SGSH: variants seen among roughly 807,000 people sequenced by gnomAD.
SGSH encodes N-sulfoglucosamine sulfohydrolase, also known as heparan sulfate sulfatase.
A neutral mutation model predicts 51.0 loss-of-function variants in SGSH; 48 were observed. That is an observed-to-expected ratio of 0.94 (90% CI 0.75 to 1.20). The LOEUF (loss-of-function observed/expected upper bound fraction) is 1.20, where lower values mean the gene tolerates loss of function less well. Ranked by LOEUF, SGSH falls within the 50% of genes most tolerant of loss-of-function variation. The probability of loss-of-function intolerance (pLI) is 0.00; values close to 1 mark genes in which losing one functional copy is unlikely to be tolerated. For synonymous variants in SGSH, 321 were observed against 313.4 expected, an observed-to-expected ratio of 1.02 and a Z score of -0.26; for missense variants, 662 against 717.8, an observed-to-expected ratio of 0.92 and a Z score of 0.89.
downstream of SGSH, chr17:80,205,833 G>A (rs1018846997): frequency 2.2e-5 from 12 of 539,300 alleles, no homozygotes; most frequent in Middle Eastern, 4.8e-4. Flanking sequence ...TAGGATCCAC[G>A]TGACTGTGGG....
At chr17:80,202,167 C>T, downstream of SGSH, 2 of 1,600,546 alleles carry the variant, frequency 1.2e-6, no homozygotes, top group Non-Finnish European at 1.7e-6. Context: ...TGGCTCATGT[C>T]CCCTTTTATC....
chr17:80,220,184 G>C (rs1428180268), intron 1 of SGSH, 42 bp downstream of exon 1: 16 of 1,448,784 alleles, frequency 1.1e-5, no homozygotes, highest in Non-Finnish European at 1.5e-5. Context: ...CACTTCCCCG[G>C]GCCACCGCAG....
chr17:80,202,717 C>A, downstream of SGSH: 3 of 806,480 alleles, frequency 3.7e-6, no homozygotes, highest in South Asian at 6.1e-5. Context: ...TGTGGTGGGG[C>A]CGTCCTGGGC....
downstream of SGSH, chr17:80,203,477 G>A (rs909447525): frequency 1.6e-5 from 4 of 247,876 alleles, no homozygotes; most frequent in African/African-American, 4.5e-5. The surrounding 1 kb of genome is among the most constrained non-coding windows in gnomAD (Gnocchi z 4.6). Flanking sequence ...CAGCTCTCTC[G>A]GTGACTCCAG....
At chr17:80,204,855 C>T (rs898998534), downstream of SGSH, 33 of 570,352 alleles carry the variant, frequency 5.8e-5, no homozygotes, top group Middle Eastern at 4.6e-4. Context: ...GCAAAGGAGC[C>T]GCTCAGCCAG....
chr17:80,203,751 T>C, downstream of SGSH: 1 of 1,242,104 alleles, frequency 8.1e-7, no homozygotes, highest in Non-Finnish European at 1.1e-6. This position sits in a 1 kb window ranked among gnomAD's most constrained non-coding sequence, Gnocchi z 4.6. Context: ...CACTCTCCCC[T>C]GCTCGGCTCT....
downstream of SGSH, chr17:80,207,157 G>A (rs921352194): frequency 1.8e-6 from 2 of 1,090,794 alleles, no homozygotes; most frequent in Non-Finnish European, 2.7e-6. Flanking sequence ...CACGGCAGGT[G>A]CCTCTGGAGT....
At chr17:80,202,088 T>C, downstream of SGSH, 5 of 1,261,676 alleles carry the variant, frequency 4.0e-6, no homozygotes, top group East Asian at 2.3e-5. Context: ...ACTGGGAGGG[T>C]CCTTCCTTCT....
chr17:80,201,899 A>C, downstream of SGSH: 1 of 1,587,868 alleles, frequency 6.3e-7, no homozygotes, highest in Non-Finnish European at 8.6e-7. The surrounding 1 kb of genome is among the most constrained non-coding windows in gnomAD (Gnocchi z 5.0). Flanking sequence ...TCGTGTGCAC[A>C]GCTGCCTGGC....
At chr17:80,205,264 CT>C, downstream of SGSH, 1 of 1,440,634 alleles carries the variant, frequency 6.9e-7, no homozygotes, top group Non-Finnish European at 9.5e-7. Context: ...CCCTCCTCCC[CT>C]TCCTCCCTCC....
intron 5 of SGSH, 124 bp downstream of exon 5, chr17:80,214,048 T>C (rs1488031566): frequency 1.1e-5 from 16 of 1,400,416 alleles, no homozygotes; most frequent in Non-Finnish European, 1.3e-5. Flanking sequence ...GTTGGGAACC[T>C]GAATCCGATT....
In SGSH at chr17:80,212,271, A is replaced by G. The variant is rs765180942; in HGVS notation, c.749T>C (p.Val250Ala). ...YTTVGRMDQG[V>A]GLVLQELRDA... ...ACGCAGCTCCTGGAGCACCAGTCCA[A>G]CTCCTGTGGTGAGGGGCCGAGAAGC... Residue 250 changes from valine (V) to alanine (A), a missense_variant, in exon 7 of 8, where the codon GTT becomes GCT. Transcript: ENST00000326317. This position sits in a 1 kb window ranked among gnomAD's most constrained non-coding sequence, Gnocchi z 5.9. 3.1e-6 allele frequency: 5 copies of G among 1,605,682 alleles called. No individual in the cohort carries two copies. In the African/African-American group the frequency reaches 6.7e-5, roughly 22 times the overall value.
In SGSH at chr17:80,213,848, G is replaced by A; in HGVS notation, c.701C>T (p.Ala234Val). The A allele has an allele frequency of 6.2e-7, 1 of 1,608,594 alleles. No homozygotes were observed. Residue 234 changes from alanine (A) to valine (V), a missense_variant, in exon 6 of 8, where the codon GCC (alanine) becomes GTC (valine). Coordinates refer to ENST00000326317, the MANE Select transcript of SGSH (RefSeq NM_000199.5). This position sits in a 1 kb window ranked among gnomAD's most constrained non-coding sequence, Gnocchi z 4.6. The stretch of plus-strand genomic sequence containing the variant: ...GGTGGTGTACTGAGCGGCCAGGTCG[G>A]CTCGGGCTGCCGGGGTGTTGGGGAC... The part of the protein sequence containing the change: ...YFVPNTPAAR[A>V]DLAAQYTTVG...
rs1023631246 is a variant in SGSH at position 80,209,644 on chromosome 17, C to T, written c.*808G>A. The T allele has an allele frequency of 2.1e-6, 2 of 943,696 alleles. No individual in the cohort carries two copies. Among genetic ancestry groups the T allele is most frequent in the East Asian group, 1.2e-4 (1 of 8,606 alleles). The allele number at this position is 943,696 out of a possible 1,614,324, so 58.5% of individuals were successfully genotyped here. A position where few individuals can be genotyped will look rare whatever the true frequency, so the allele number is the denominator to read the frequency against. ...TGCCACCCAGCAACGCCAGTGTCACCGAAGAATTAACCCAAGCCAGAGGAC... is the reference window on the plus strand; with the variant it reads ...TGCCACCCAGCAACGCCAGTGTCACTGAAGAATTAACCCAAGCCAGAGGAC... On this transcript the variant is annotated 3_prime_UTR_variant, in exon 8 of 8. Transcript: ENST00000326317.
At position 80,214,524 on chromosome 17, in the gene SGSH, C is replaced by G. The variant is rs1598749221; in HGVS notation, c.506+91G>C. 3 of 1,429,466 alleles carry G rather than the reference C, an allele frequency of 2.1e-6. No homozygotes were observed. In the East Asian group the frequency reaches 7.4e-5, roughly 35 times the overall value. The allele number at this position is 1,429,466 out of a possible 1,614,324, so 88.5% of individuals were successfully genotyped here. The stretch of plus-strand genomic sequence containing the variant: ...CCTTCTCCCCTGCCCCCATTCGAGC[C>G]ACGTGGGGGCCCATGCATCCCGCCG... On this transcript the variant is annotated intron_variant, in intron 4 of 7. Coordinates refer to ENST00000326317, the MANE Select transcript of SGSH (RefSeq NM_000199.5).
chr17:80,216,903 TG>T, intron 2 of SGSH, 128 bp downstream of exon 2: 2 of 901,452 alleles, frequency 2.2e-6, no homozygotes, highest in Non-Finnish European at 3.4e-6. Flanking sequence ...TGCCTCCTCC[TG>T]GAGGTGGGAG....
At position 80,211,164 on chromosome 17, in the gene SGSH, C is replaced by T. The variant is rs935035038; in HGVS notation, c.950-153G>A. 5.1e-5 allele frequency: 77 copies of T among 1,514,012 alleles called. No individual in the cohort carries two copies. The East Asian group carries it at 1.6e-3, about 31-fold the overall frequency. The allele number at this position is 1,514,012 out of a possible 1,614,324, so 93.8% of individuals were successfully genotyped here. ...GTCGAGCCGACACCTCTCACCGCCA[C>T]GTCATCTCTCTGGGCCTCAGTGCCT... is the stretch of plus-strand genomic sequence containing the variant. On this transcript the variant is annotated intron_variant, in intron 7 of 7. Transcript: ENST00000326317.
chr17:80,216,328 C>CA (rs796182440), intron 2 of SGSH, among the ~76,000 whole-genome samples: 47 of 139,222 alleles, frequency 3.4e-4, no homozygotes, highest in African/African-American at 6.4e-4. Flanking sequence ...GACTCCAACT[C>CA]AAAAAAAAAA....
Position 80,213,925 on chromosome 17 carries a change from AC to A in SGSH, c.664-41del. The A allele has an allele frequency of 7.7e-7, 1 of 1,294,734 alleles. No individual in the cohort carries two copies. Among genetic ancestry groups the A allele is most frequent in the Non-Finnish European group, 1.0e-6 (1 of 955,580 alleles). 80.2% of individuals were successfully genotyped at this position (1,294,734 alleles called of 1,614,324 possible). On this transcript the variant is annotated intron_variant, in intron 5 of 7. Coordinates refer to ENST00000326317, the MANE Select transcript of SGSH (RefSeq NM_000199.5). This position sits in a 1 kb window ranked among gnomAD's most constrained non-coding sequence, Gnocchi z 4.6. ...GGGGAGCCAGGCTTAGAACAGACAGACCGGGGGAGCGGTGTCCAGCCTTCTC... is the reference window on the plus strand; with the variant it reads ...GGGGAGCCAGGCTTAGAACAGACAGACGGGGGAGCGGTGTCCAGCCTTCTC...
Sources: allele counts gnomAD v4.1 joint callset (sites outside exome capture counted in the v4.1 genomes callset), GRCh38; gene constraint gnomAD v4.1.1; non-coding constraint Gnocchi (gnomAD v3.1); transcripts MANE v1.5; gene names NCBI Gene and HGNC (gene_info 2026-07-23, HGNC 2026-07-21).